Variants in JARID2 observed in about 807,000 individuals in gnomAD.
The protein encoded by JARID2 is jumonji and AT-rich interaction domain containing 2.
A neutral mutation model predicts 125.6 loss-of-function variants in JARID2; 21 were observed. The observed-to-expected ratio is 0.17, with a 90% CI of 0.12 to 0.24. JARID2 has a LOEUF of 0.24. Among genes scored for constraint, JARID2 ranks in the 10% least tolerant of loss-of-function variants. The pLI is 1.00. For synonymous variants in JARID2, 736 were observed against 661.6 expected (o/e 1.11, Z -1.73); for missense variants, 1,303 against 1,639.6 (o/e 0.79, Z 3.55).
chr6:15,431,632 G>T (rs565363335), intron 3 of JARID2, among the ~76,000 whole-genome samples: 7 of 152,316 alleles, frequency 4.6e-5, no homozygotes, highest in Non-Finnish European at 7.4e-5. Context: ...ATTGCAATTA[G>T]TTAATTGAAA....
chr6:15,515,584 G>A (rs1771506499), intron 16 of JARID2, among the ~76,000 whole-genome samples: 1 of 152,070 alleles, frequency 6.6e-6, no homozygotes, highest in East Asian at 1.9e-4. Flanking sequence ...CCAGGAGTGC[G>A]AGACCAGCCT....
chr6:15,506,380 C>T (rs1485564779), intron 9 of JARID2, among the ~76,000 whole-genome samples: 1 of 152,198 alleles, frequency 6.6e-6, no homozygotes, highest in East Asian at 1.9e-4. Context: ...GCCAGGTCGG[C>T]CCCCTCTTTG....
At chr6:15,320,911 T>C (rs1390297723) in intron 1 of JARID2, among the ~76,000 whole-genome samples, 1 of 151,208 alleles carries the variant, frequency 6.6e-6, no homozygotes, top group African/African-American at 2.4e-5. Flanking sequence ...GAAGTATGAC[T>C]TGCAGTTTGT....
At chr6:15,481,750 CCTT>C (rs1171851709) in intron 5 of JARID2, among the ~76,000 whole-genome samples, 2 of 152,114 alleles carry the variant, frequency 1.3e-5, no homozygotes, top group African/African-American at 4.8e-5. Context: ...TGGTTGGAAA[CCTT>C]CTCTTTGTTT....
At chr6:15,510,670 A>T (rs1224362039) in intron 12 of JARID2, among the ~76,000 whole-genome samples, 1 of 151,598 alleles carries the variant, frequency 6.6e-6, no homozygotes, top group Non-Finnish European at 1.5e-5. Flanking sequence ...AACACGTAAA[A>T]CTCTCCAGTG....
intron 4 of JARID2, 31 bp downstream of exon 4, chr6:15,452,206 A>T (rs374097274): frequency 1.9e-5 from 30 of 1,610,888 alleles, no homozygotes; most frequent in Non-Finnish European, 2.5e-5. Flanking sequence ...GCGGAGGTCT[A>T]CGTGGAATCT....
chr6:15,300,722 T>TGTGTGTGTGTGTGTGA (rs1246745065), intron 1 of JARID2, among the ~76,000 whole-genome samples: 3 of 111,118 alleles, frequency 2.7e-5, no homozygotes, highest in African/African-American at 3.7e-5. Context: ...TGTGTGTGTG[T>TGTGTGTGTGTGTGTGA]GAGAGAGAGA....
At chr6:15,264,612 A>AGTGTGTGTGTGTGTGTGTGTGTGT (rs148424538) in intron 1 of JARID2, among the ~76,000 whole-genome samples, 1 of 146,138 alleles carries the variant, frequency 6.8e-6, no homozygotes, top group Non-Finnish European at 1.5e-5. Flanking sequence ...GGTAGGTGTG[A>AGTGTGTGTGTGTGTGTGTGTGTGT]GTGTGTGTGT....
rs559250048 is a variant in JARID2 at position 15,270,098 on chromosome 6, A to ATCCT, written c.45+23529_45+23532dup. Among the ~76,000 whole-genome samples, 8 of 152,148 alleles carry ATCCT rather than the reference A, an allele frequency of 5.3e-5. No individual in the cohort carries two copies. The South Asian group carries it at 1.0e-3, about 20-fold the overall frequency. On this transcript the variant is annotated intron_variant, in intron 1 of 17. Coordinates refer to ENST00000341776, the MANE Select transcript of JARID2 (RefSeq NM_004973.4). Reference sequence around the variant, plus strand: ...GATGAAATGATTTGCCTCAGGGTCGATCCTTCCTTCCTTCCTTCAGTCCGT... The same window carrying ATCCT: ...GATGAAATGATTTGCCTCAGGGTCGATCCTTCCTTCCTTCCTTCCTTCAGTCCGT...
Position 15,246,523 on chromosome 6 carries a change from A to T in JARID2, c.-17A>T. 6.2e-7 allele frequency: 1 copy of T among 1,610,820 alleles called. No homozygotes were observed. The highest frequency in any genetic ancestry group is 8.5e-7 in the Non-Finnish European group (1 of 1,177,820). ...GAAGCAATTGTCCCCTTTTGCAATC[A>T]GCATTTGGATCTCAGAATGAGCAAG... is the stretch of plus-strand genomic sequence containing the variant. On this transcript the variant is annotated 5_prime_UTR_variant, in exon 1 of 18. Transcript: ENST00000341776.
intron 1 of JARID2, among the ~76,000 whole-genome samples, chr6:15,300,530 CCTT>C (rs1761569125): frequency 6.6e-6 from 1 of 152,130 alleles, no homozygotes; most frequent in Admixed American, 6.6e-5. Context: ...GCTTGCAAGG[CCTT>C]CTTTAACCGC....
chr6:15,398,624 C>A (rs1053585033), intron 2 of JARID2, among the ~76,000 whole-genome samples: 2 of 152,168 alleles, frequency 1.3e-5, no homozygotes, highest in Non-Finnish European at 2.9e-5. Context: ...CTCGCATGTA[C>A]TGTGTTTTAG....
At chr6:15,376,860 A>G (rs1561822347) in intron 2 of JARID2, among the ~76,000 whole-genome samples, 1 of 152,222 alleles carries the variant, frequency 6.6e-6, no homozygotes, top group Non-Finnish European at 1.5e-5. Flanking sequence ...TTTTCGGAGC[A>G]TGATCCAGAG....
chr6:15,436,944 A>T (rs2127610207), intron 3 of JARID2, among the ~76,000 whole-genome samples: 1 of 152,184 alleles, frequency 6.6e-6, no homozygotes, highest in South Asian at 2.1e-4. Flanking sequence ...TCCTGGTCAC[A>T]TAGGTCTTGC....
intron 1 of JARID2, among the ~76,000 whole-genome samples, chr6:15,255,305 C>T (rs1759621187): frequency 6.6e-6 from 1 of 151,950 alleles, no homozygotes; most frequent in African/African-American, 2.4e-5. Flanking sequence ...GGGTTTCACC[C>T]TGTTGGCCAG....
intron 1 of JARID2, among the ~76,000 whole-genome samples, chr6:15,310,055 C>G (rs1561784743): frequency 6.6e-6 from 1 of 152,288 alleles, no homozygotes; most frequent in South Asian, 2.1e-4. Context: ...GGATTTTGGA[C>G]TCTTAATGAG....
rs898355326 is a variant in JARID2 at position 15,479,863 on chromosome 6, C to T, written c.671-7444C>T. ...TTTTGGCCCAGGGCAAACCGGGTTACAGCACTCACACATGCTACATTAAAA... is the reference window on the plus strand; with the variant it reads ...TTTTGGCCCAGGGCAAACCGGGTTATAGCACTCACACATGCTACATTAAAA... On this transcript the variant is annotated intron_variant, in intron 5 of 17. Transcript: ENST00000341776. 5.3e-5 allele frequency among the ~76,000 whole-genome samples: 8 copies of T among 152,330 alleles called. No homozygotes were observed. In the South Asian group the frequency reaches 1.7e-3, roughly 32 times the overall value.
chr6:15,485,734 C>G (rs965310306), intron 5 of JARID2, among the ~76,000 whole-genome samples: 7 of 152,112 alleles, frequency 4.6e-5, no homozygotes, highest in African/African-American at 1.7e-4. Context: ...TTTGGCACCA[C>G]AGCAAATGAA....
At chr6:15,461,455 T>C (rs1311348355) in intron 4 of JARID2, among the ~76,000 whole-genome samples, 1 of 152,032 alleles carries the variant, frequency 6.6e-6, no homozygotes, top group Non-Finnish European at 1.5e-5. Flanking sequence ...GGAGGGAGGG[T>C]TGCTGAAGGA....
Sources: allele counts gnomAD v4.1 joint callset (sites outside exome capture counted in the v4.1 genomes callset), GRCh38; gene constraint gnomAD v4.1.1; transcripts MANE v1.5; gene names NCBI Gene and HGNC (gene_info 2026-07-23, HGNC 2026-07-21).